Variants in GK5 observed in about 807,000 individuals in gnomAD.
The protein encoded by GK5 is ATP:glycerol 3-phosphotransferase 5.
In GK5, 39 loss-of-function variants were observed where a neutral mutation model predicts 77.3. The observed-to-expected ratio is 0.50, with a 90% confidence interval of 0.39 to 0.66. The LOEUF (loss-of-function observed/expected upper bound fraction) is 0.66, where lower values mean the gene tolerates loss of function less well. Ranked by LOEUF, GK5 falls within the 30% of genes least tolerant of loss-of-function variation. The probability of loss-of-function intolerance (pLI) is 0.00; values close to 1 mark genes in which losing one functional copy is unlikely to be tolerated. For missense variants in GK5, 487 were observed against 633.8 expected (o/e 0.77, Z 2.49); for synonymous variants, 211 against 208.0 (o/e 1.01, Z -0.13).
intron 13 of GK5, among the ~76,000 whole-genome samples, chr3:142,172,123 A>C (rs11721121): frequency 6.6e-6 from 1 of 152,070 alleles, no homozygotes; most frequent in African/African-American, 2.4e-5. Context: ...AAAATCCTTC[A>C]ATTTTCAGAT....
At chr3:142,181,643 G>T in intron 10 of GK5, 78 bp from the exon 11 acceptor site, 1 of 1,044,620 alleles carries the variant, frequency 9.6e-7, no homozygotes, top group South Asian at 1.5e-5. Flanking sequence ...TAATGATTTG[G>T]TTATCTCAAA....
chr3:142,218,392 A>AT (rs2064302022), intron 1 of GK5, among the ~76,000 whole-genome samples: 1 of 150,892 alleles, frequency 6.6e-6, no homozygotes, highest in Admixed American at 6.6e-5. Flanking sequence ...AAAAAAAAAA[A>AT]AATAGCTGGG....
chr3:142,176,361 T>C (rs991839009), intron 12 of GK5, among the ~76,000 whole-genome samples: 3 of 152,140 alleles, frequency 2.0e-5, no homozygotes, highest in African/African-American at 7.2e-5. Flanking sequence ...GAAAGTTGTA[T>C]TTTTTGAAAG....
chr3:142,209,620 A>C (rs1020113215), intron 3 of GK5, among the ~76,000 whole-genome samples: 4 of 152,240 alleles, frequency 2.6e-5, no homozygotes, highest in Non-Finnish European at 4.4e-5. Context: ...TGTGGCTCTT[A>C]ATATATTTTA....
chr3:142,170,090 G>C, intron 15 of GK5: 1 of 585,044 alleles, frequency 1.7e-6, no homozygotes, highest in South Asian at 1.9e-5. Flanking sequence ...AGAATTAACT[G>C]TTCTTGTCTC....
intron 3 of GK5, among the ~76,000 whole-genome samples, chr3:142,207,437 G>A (rs531155145): frequency 6.6e-6 from 1 of 152,236 alleles, no homozygotes; most frequent in Non-Finnish European, 1.5e-5. Context: ...CTAATCATAG[G>A]TTATGGAAAG....
intron 5 of GK5, among the ~76,000 whole-genome samples, chr3:142,198,214 T>C (rs1021216739): frequency 6.6e-6 from 1 of 152,106 alleles, no homozygotes; most frequent in Middle Eastern, 3.4e-3. Flanking sequence ...GAACAGCAAA[T>C]AGCAATGAAA....
At position 142,180,453 on chromosome 3, in the gene GK5, C is replaced by A. The variant is rs924046803; in HGVS notation, c.1048+1008G>T. 2.0e-5 allele frequency among the ~76,000 whole-genome samples: 3 copies of A among 152,168 alleles called. No homozygotes were observed. In the South Asian group the frequency reaches 6.2e-4, roughly 32 times the overall value. On this transcript the variant is annotated intron_variant, in intron 11 of 15. Transcript: ENST00000392993. ...GAGTAGCTGGGATTACAGGCGCACA[C>A]CACCATGCCCGGCTAATTTTGTATT...
At chr3:142,183,853 T>C (rs955542601) in intron 9 of GK5, among the ~76,000 whole-genome samples, 1 of 151,980 alleles carries the variant, frequency 6.6e-6, no homozygotes, top group Non-Finnish European at 1.5e-5. Flanking sequence ...CTCACATTGG[T>C]CTCCCAGAAT....
rs1488156817 is a variant in GK5 at position 142,161,685 on chromosome 3, A to G, written c.*3937T>C. The G allele has an allele frequency of 1.3e-5, 2 of 152,262 alleles. No homozygotes were observed. Among genetic ancestry groups the G allele is most frequent in the Non-Finnish European group, 2.9e-5 (2 of 68,058 alleles). 9.4% of individuals were successfully genotyped at this position (152,262 alleles called of 1,614,324 possible). On this transcript the variant is annotated 3_prime_UTR_variant, in exon 16 of 16. Transcript: ENST00000392993. The stretch of plus-strand genomic sequence containing the variant: ...AGGTCAAATCAAAGATGATCTGCAG[A>G]ATACATTAACCCTACACTGAAATCA...
At chr3:142,202,891 A>C (rs2107790360) in intron 4 of GK5, among the ~76,000 whole-genome samples, 1 of 152,312 alleles carries the variant, frequency 6.6e-6, no homozygotes. Context: ...CGGGAGGTGG[A>C]GGTTGTGACA....
intron 9 of GK5, 185 bp downstream of exon 9, chr3:142,185,744 C>T: frequency 6.5e-7 from 1 of 1,547,958 alleles, no homozygotes; most frequent in Non-Finnish European, 8.7e-7. Flanking sequence ...CTCAATGGTC[C>T]CCTTCCCAAA....
rs997905058 is a variant in GK5 at position 142,218,316 on chromosome 3, T to C, written c.148-2624A>G. Reference sequence around the variant, plus strand: ...GGGAGGCTGAGGCGGGCATATTGTCTGAGCTCAGGAGTTCACAACCAGCTT... The same window carrying C: ...GGGAGGCTGAGGCGGGCATATTGTCCGAGCTCAGGAGTTCACAACCAGCTT... On this transcript the variant is annotated intron_variant, in intron 1 of 15. Coordinates refer to ENST00000392993, the MANE Select transcript of GK5 (RefSeq NM_001039547.3). 9.8e-4 allele frequency among the ~76,000 whole-genome samples: 146 copies of C among 148,902 alleles called. 3 individuals are homozygous for C. Among genetic ancestry groups the C allele is most frequent in the Middle Eastern group, 3.5e-3 (1 of 288 alleles).
chr3:142,203,728 C>T (rs2064062576), intron 4 of GK5, among the ~76,000 whole-genome samples: 1 of 152,058 alleles, frequency 6.6e-6, no homozygotes. Context: ...GAGCTGAGAT[C>T]GCGCCACTGC....
Position 142,198,828 on chromosome 3 carries a change from C to T in GK5, c.517G>A (p.Val173Ile). 1 of 1,612,174 alleles carries T rather than the reference C, an allele frequency of 6.2e-7. No homozygotes were observed. Among genetic ancestry groups the T allele is most frequent in the Non-Finnish European group, 8.5e-7 (1 of 1,179,232 alleles). The change falls in exon 5 of 16, where the codon GTC (valine) becomes ATC (isoleucine). Residue 173 changes from valine (V) to isoleucine (I), a missense_variant. Coordinates refer to ENST00000392993, the MANE Select transcript of GK5 (RefSeq NM_001039547.3). Reference sequence around the variant, plus strand: ...TCAGTCAAGTTCTGTAAAATCCAGACCAATCTCAAAGAAGTCTGCTGGGTT... The same window carrying T: ...TCAGTCAAGTTCTGTAAAATCCAGATCAATCTCAAAGAAGTCTGCTGGGTT... ...FTTQQTSLRL[V>I]WILQNLTEVQ...
chr3:142,197,210 A>C (rs1451444582), intron 5 of GK5, among the ~76,000 whole-genome samples: 1 of 152,028 alleles, frequency 6.6e-6, no homozygotes, highest in Non-Finnish European at 1.5e-5. Context: ...AAAAAAAAGA[A>C]AGTGGGGTAC....
intron 12 of GK5, among the ~76,000 whole-genome samples, chr3:142,176,405 T>C (rs187871681): frequency 6.6e-6 from 1 of 152,190 alleles, no homozygotes; most frequent in East Asian, 1.9e-4. Context: ...AAAAATAGTA[T>C]GAGCTTTCCC....
intron 10 of GK5, among the ~76,000 whole-genome samples, chr3:142,181,929 T>A (rs1577115939): frequency 6.6e-6 from 1 of 152,208 alleles, no homozygotes. Context: ...ATATTTTACT[T>A]GAGAAATAAA....
chr3:142,199,124 A>T (rs551722115), intron 4 of GK5, among the ~76,000 whole-genome samples, 191 bp from the exon 5 acceptor site: 2 of 152,194 alleles, frequency 1.3e-5, no homozygotes, highest in African/African-American at 2.4e-5. Context: ...AACATATGAA[A>T]TGCAACATAT....
Sources: allele counts gnomAD v4.1 joint callset (sites outside exome capture counted in the v4.1 genomes callset), GRCh38; gene constraint gnomAD v4.1.1; transcripts MANE v1.5; gene names NCBI Gene and HGNC (gene_info 2026-07-23, HGNC 2026-07-21).